The following PRICKLE1 variants were observed in gnomAD, a reference collection of about 807,000 sequenced individuals.
PRICKLE1 encodes prickle-like protein 1.
PRICKLE1 carries 14 observed loss-of-function variants against 70.2 expected under a neutral mutation model. The ratio of observed to expected loss-of-function variants is 0.20; its 90% CI spans 0.13 to 0.31. The LOEUF (loss-of-function observed/expected upper bound fraction) is 0.31, where lower values mean the gene tolerates loss of function less well. PRICKLE1 is among the 10% of genes least tolerant of loss of function. The pLI is 1.00. For missense variants in PRICKLE1, 821 were observed against 1,026.2 expected (o/e 0.80, Z 2.73); for synonymous variants, 357 against 379.9 (o/e 0.94, Z 0.70).
chr12:42,486,059 G>C (rs779412252), intron 1 of PRICKLE1, among the ~76,000 whole-genome samples: 11 of 152,156 alleles, frequency 7.2e-5, no homozygotes, highest in Non-Finnish European at 1.3e-4. Context: ...CAGCCAGGTG[G>C]AATATTCATG....
At chr12:42,472,352 CAA>C (rs1343953615) in intron 2 of PRICKLE1, 31 bp downstream of exon 2, 6 of 1,613,284 alleles carry the variant, frequency 3.7e-6, no homozygotes, top group Non-Finnish European at 5.1e-6. Flanking sequence ...CACTGAAAAA[CAA>C]AGAGTAAATA....
intron 5 of PRICKLE1, 22 bp downstream of exon 5, chr12:42,468,604 G>A: frequency 1.9e-6 from 3 of 1,609,620 alleles, no homozygotes; most frequent in Admixed American, 1.7e-5. Context: ...TTCCCAGTGT[G>A]AAAGGATGAA....
At chr12:42,552,418 G>C (rs907743714) in intron 1 of PRICKLE1, among the ~76,000 whole-genome samples, 4 of 152,168 alleles carry the variant, frequency 2.6e-5, no homozygotes, top group Admixed American at 2.6e-4. Flanking sequence ...CTGTAAAATG[G>C]AGGGAATATT....
At chr12:42,514,183 A>G (rs1939564780) in intron 1 of PRICKLE1, among the ~76,000 whole-genome samples, 1 of 152,238 alleles carries the variant, frequency 6.6e-6, no homozygotes, top group Non-Finnish European at 1.5e-5. Flanking sequence ...ACAGTATGGT[A>G]TACAAATACA....
chr12:42,497,358 A>C (rs192391958), intron 1 of PRICKLE1, among the ~76,000 whole-genome samples: 16 of 152,086 alleles, frequency 1.1e-4, no homozygotes, highest in South Asian at 2.1e-4. Context: ...ATCCTGGCTA[A>C]CACGGTGAAA....
At position 42,503,895 on chromosome 12, in the gene PRICKLE1, C is replaced by A. The variant is rs539873902; in HGVS notation, c.-48-31331G>T. On this transcript the variant is annotated intron_variant, in intron 1 of 7. Transcript: ENST00000345127. ...TCCCATCATGAATCTGCCTATAATTCAAAAAGCGGGTTCTGGTTATTTAGT... is the reference window on the plus strand; with the variant it reads ...TCCCATCATGAATCTGCCTATAATTAAAAAAGCGGGTTCTGGTTATTTAGT... Among the ~76,000 whole-genome samples, 159 of 152,174 alleles carry A rather than the reference C, an allele frequency of 1.0e-3. 1 individual carries two copies. The highest frequency in any genetic ancestry group is 3.7e-3 in the African/African-American group (153 of 41,530).
chr12:42,588,937 T>C (rs905811743), intron 1 of PRICKLE1, among the ~76,000 whole-genome samples: 1 of 152,236 alleles, frequency 6.6e-6, no homozygotes, highest in African/African-American at 2.4e-5. Context: ...ATATCTGTGC[T>C]ACATTCAGCA....
intron 1 of PRICKLE1, among the ~76,000 whole-genome samples, chr12:42,514,899 A>G (rs199942476): frequency 6.2e-4 from 54 of 87,590 alleles, no homozygotes; most frequent in African/African-American, 1.7e-3. Flanking sequence ...CTATCTATCT[A>G]TCTATCTATC....
intron 1 of PRICKLE1, among the ~76,000 whole-genome samples, chr12:42,498,682 ACT>A: frequency 2.0e-5 from 3 of 151,904 alleles, no homozygotes; most frequent in Non-Finnish European, 4.4e-5. Flanking sequence ...TAAAATTAAG[ACT>A]CTTTACAAAG....
intron 1 of PRICKLE1, among the ~76,000 whole-genome samples, chr12:42,542,753 C>T (rs1225028502): frequency 1.3e-5 from 2 of 152,192 alleles, no homozygotes; most frequent in Admixed American, 6.5e-5. Context: ...TTGTATTTTG[C>T]ATTTTGCAGG....
rs574428210 is a variant in PRICKLE1 at position 42,474,976 on chromosome 12, C to T, written c.-48-2412G>A. On this transcript the variant is annotated intron_variant, in intron 1 of 7. Coordinates refer to ENST00000345127, the MANE Select transcript of PRICKLE1 (RefSeq NM_153026.3). ...AAGCCAGCACAAAGATACAGATTGC[C>T]GAAGATGTGAATTACTTTTACAGCT... Among the ~76,000 whole-genome samples, 35 of 152,272 alleles carry T rather than the reference C, an allele frequency of 2.3e-4. No individual in the cohort carries two copies. In the South Asian group the frequency reaches 6.4e-3, roughly 28 times the overall value.
At chr12:42,521,612 G>GA (rs1005900435) in intron 1 of PRICKLE1, among the ~76,000 whole-genome samples, 5 of 151,876 alleles carry the variant, frequency 3.3e-5, no homozygotes, top group African/African-American at 1.2e-4. Context: ...AGGTCGGGGG[G>GA]ATCGCTTAAG....
intron 1 of PRICKLE1, among the ~76,000 whole-genome samples, chr12:42,568,214 G>T (rs1389708583): frequency 2.0e-5 from 3 of 152,074 alleles, no homozygotes; most frequent in African/African-American, 7.2e-5. Context: ...TGGCTCTATT[G>T]CCCAGGCTGG....
chr12:42,521,602 A>T (rs1271777931), intron 1 of PRICKLE1, among the ~76,000 whole-genome samples: 1 of 151,930 alleles, frequency 6.6e-6, no homozygotes, highest in African/African-American at 2.4e-5. Context: ...CTGGAGGCTG[A>T]GGTCGGGGGG....
At chr12:42,530,034 C>G (rs1257523116) in intron 1 of PRICKLE1, among the ~76,000 whole-genome samples, 2 of 151,784 alleles carry the variant, frequency 1.3e-5, no homozygotes, top group Non-Finnish European at 2.9e-5. Context: ...CAACCTCCAC[C>G]CCAGGTTCAA....
intron 1 of PRICKLE1, among the ~76,000 whole-genome samples, chr12:42,516,323 G>A (rs1270765005): frequency 6.6e-6 from 1 of 152,008 alleles, no homozygotes; most frequent in Non-Finnish European, 1.5e-5. Context: ...TAGTAGAGAC[G>A]GGGTTCAATC....
chr12:42,486,349 A>G (rs1938990474), intron 1 of PRICKLE1, among the ~76,000 whole-genome samples: 1 of 152,242 alleles, frequency 6.6e-6, no homozygotes, highest in Admixed American at 6.5e-5. Flanking sequence ...CTCAGCACCT[A>G]GAATGATGCC....
intron 1 of PRICKLE1, among the ~76,000 whole-genome samples, chr12:42,552,738 T>C (rs140955340): frequency 6.6e-6 from 1 of 152,312 alleles, no homozygotes; most frequent in Non-Finnish European, 1.5e-5. Context: ...CTGTTTTAAA[T>C]TGGAGTAAAC....
chr12:42,464,790 A>G lies in PRICKLE1; in HGVS notation c.1244T>C (p.Met415Thr). 2 of 1,614,100 alleles carry G rather than the reference A, an allele frequency of 1.2e-6. No individual in the cohort carries two copies. The highest frequency in any genetic ancestry group is 1.7e-6 in the Non-Finnish European group (2 of 1,180,018). Residue 415 changes from methionine to threonine, a missense_variant, in exon 7 of 8, where the codon ATG (methionine) becomes ACG (threonine). By Grantham distance (81) the Met-to-Thr change is moderately conservative (BLOSUM62 -1). Coordinates refer to ENST00000345127, the MANE Select transcript of PRICKLE1 (RefSeq NM_153026.3). This position sits in a 1 kb window ranked among gnomAD's most constrained non-coding sequence, Gnocchi z 4.2. ...PEEWADHEDY[M>T]TQLLLKFGDK... ...ACCAAACTTGAGGAGGAGCTGCGTC[A>G]TATAATCTTCATGATCAGCCCATTC... is the stretch of plus-strand genomic sequence containing the variant.
Sources: allele counts gnomAD v4.1 joint callset (sites outside exome capture counted in the v4.1 genomes callset), GRCh38; gene constraint gnomAD v4.1.1; non-coding constraint Gnocchi (gnomAD v3.1); transcripts MANE v1.5; gene names NCBI Gene and HGNC (gene_info 2026-07-23, HGNC 2026-07-21).